The following SNTG2 variants were observed in gnomAD, a reference collection of about 807,000 sequenced individuals.
The protein encoded by SNTG2 is syntrophin gamma 2.
In SNTG2, 74 loss-of-function variants were observed where a neutral mutation model predicts 70.9. The ratio of observed to expected loss-of-function variants is 1.04; its 90% CI spans 0.86 to 1.27. The LOEUF (loss-of-function observed/expected upper bound fraction) is 1.27. SNTG2 is among the 50% of genes most tolerant of loss of function. SNTG2 has a pLI of 0.00. For synonymous variants in SNTG2, 278 were observed against 273.8 expected, an observed-to-expected ratio of 1.02 and a Z score of -0.15; for missense variants, 717 against 690.7, an observed-to-expected ratio of 1.04 and a Z score of -0.43.
intron 9 of SNTG2, among the ~76,000 whole-genome samples, chr2:1,215,219 G>A (rs1314106552): frequency 1.3e-5 from 2 of 152,108 alleles, no homozygotes; most frequent in Admixed American, 1.3e-4. Context: ...TTCTCATCTG[G>A]CTTTGGTATT....
chr2:1,081,351 G>A (rs965787166), intron 1 of SNTG2, among the ~76,000 whole-genome samples: 5 of 152,348 alleles, frequency 3.3e-5, no homozygotes, highest in South Asian at 2.1e-4. Flanking sequence ...AGGGAGCTGC[G>A]GGCACCTACG....
In SNTG2 at chr2:1,286,801, C is replaced by A. The variant is rs138390134; in HGVS notation, c.1284+19230C>A. The stretch of plus-strand genomic sequence containing the variant: ...GCTGTGAGCAGATTGCACAGACACA[C>A]CCAGGATCAACACTTTGCATCCTTC... On this transcript the variant is annotated intron_variant, in intron 14 of 16. Coordinates refer to ENST00000308624, the MANE Select transcript of SNTG2 (RefSeq NM_018968.4). Among the ~76,000 whole-genome samples the A allele has an allele frequency of 7.8e-3, 1,192 of 152,070 alleles. 15 individuals carry two copies. Among genetic ancestry groups the A allele is most frequent in the African/African-American group, 0.027 (1,131 of 41,452 alleles).
At chr2:1,192,944 G>C (rs1379473492) in intron 8 of SNTG2, among the ~76,000 whole-genome samples, 1 of 152,222 alleles carries the variant, frequency 6.6e-6, no homozygotes, top group African/African-American at 2.4e-5. Flanking sequence ...GGGTGGAAGA[G>C]AGCAGTCAGA....
intron 1 of SNTG2, among the ~76,000 whole-genome samples, chr2:970,500 T>C (rs1195581211): frequency 6.9e-6 from 1 of 144,680 alleles, no homozygotes; most frequent in Non-Finnish European, 1.5e-5. Flanking sequence ...TTCCCACCTA[T>C]GAGTGAGAAT....
At chr2:1,251,409 G>C (rs116401368) in intron 12 of SNTG2, among the ~76,000 whole-genome samples, 1,790 of 151,410 alleles carry the variant, frequency 0.012, 40 homozygotes, top group African/African-American at 0.041. Flanking sequence ...AGCTCACATA[G>C]ACCCACACAC....
At chr2:1,341,568 A>G (rs1660089457) in intron 16 of SNTG2, 1 of 152,244 alleles carries the variant, frequency 6.6e-6, no homozygotes, top group Admixed American at 6.5e-5. Flanking sequence ...GGCTGCCTCC[A>G]GTCTCTTCTC....
intron 1 of SNTG2, among the ~76,000 whole-genome samples, chr2:1,071,402 C>T (rs1041666894): frequency 6.8e-6 from 1 of 147,480 alleles, no homozygotes; most frequent in Non-Finnish European, 1.5e-5. Flanking sequence ...ATCGCAAGAA[C>T]AAAAAACCAA....
At chr2:1,084,661 C>G (rs1380682734) in intron 2 of SNTG2, among the ~76,000 whole-genome samples, 2 of 152,220 alleles carry the variant, frequency 1.3e-5, no homozygotes, top group Non-Finnish European at 2.9e-5. Flanking sequence ...AATCCCCAAG[C>G]TGGGTAATTT....
chr2:1,153,713 G>A lies in SNTG2; in HGVS notation c.412-11835G>A, dbSNP rs563417901. On this transcript the variant is annotated intron_variant, in intron 6 of 16. Transcript: ENST00000308624. Reference sequence around the variant, plus strand: ...ACAAGTGGATAATAACTAATTGCACGGAGCAGTAAAATGCAGGTTATTTAA... The same window carrying A: ...ACAAGTGGATAATAACTAATTGCACAGAGCAGTAAAATGCAGGTTATTTAA... Among the ~76,000 whole-genome samples, 10 of 152,280 alleles carry A rather than the reference G, an allele frequency of 6.6e-5. No individual in the cohort carries two copies. The South Asian group carries it at 8.3e-4, about 13-fold the overall frequency.
At chr2:1,025,717 C>A (rs1259025162) in intron 1 of SNTG2, among the ~76,000 whole-genome samples, 1 of 152,172 alleles carries the variant, frequency 6.6e-6, no homozygotes, top group African/African-American at 2.4e-5. Context: ...ATGGAGGCCC[C>A]TGTGATGACA....
At chr2:1,333,404 C>G (rs1227630747) in intron 16 of SNTG2, among the ~76,000 whole-genome samples, 1 of 151,950 alleles carries the variant, frequency 6.6e-6, no homozygotes, top group African/African-American at 2.4e-5. Flanking sequence ...CAGTCCCCAT[C>G]AAAATATCAT....
At chr2:1,247,636 C>T (rs982559917) in intron 12 of SNTG2, among the ~76,000 whole-genome samples, 193 bp downstream of exon 12, 1 of 152,100 alleles carries the variant, frequency 6.6e-6, no homozygotes, top group African/African-American at 2.4e-5. Flanking sequence ...TAAATTAACC[C>T]ATTTCTTTCT....
intron 4 of SNTG2, among the ~76,000 whole-genome samples, chr2:1,100,958 G>GC (rs35510495): frequency 0.38 from 58,309 of 152,018 alleles, 12,633 homozygotes; most frequent in Non-Finnish European, 0.49. Context: ...TAGCCCGTGT[G>GC]CCCTCCCGAG....
At chr2:1,277,005 T>A (rs1370317081) in intron 14 of SNTG2, among the ~76,000 whole-genome samples, 2 of 152,210 alleles carry the variant, frequency 1.3e-5, no homozygotes, top group African/African-American at 4.8e-5. Context: ...ATTGCTGCAA[T>A]CTCAGGATAA....
At chr2:1,202,805 A>G (rs28702912) in intron 8 of SNTG2, among the ~76,000 whole-genome samples, 1,573 of 152,282 alleles carry the variant, frequency 0.01, 20 homozygotes, top group African/African-American at 0.035. Context: ...AAAATAAGCA[A>G]TGTTCCCAAG....
At chr2:951,364 G>C (rs1366259347) in intron 1 of SNTG2, among the ~76,000 whole-genome samples, 2 of 152,242 alleles carry the variant, frequency 1.3e-5, no homozygotes, top group African/African-American at 2.4e-5. Context: ...TACTGCGTGG[G>C]AAGTAGTGCT....
intron 8 of SNTG2, among the ~76,000 whole-genome samples, chr2:1,175,359 T>C (rs1319952390): frequency 6.6e-6 from 1 of 152,202 alleles, no homozygotes; most frequent in Non-Finnish European, 1.5e-5. Context: ...ATTTGTGTCA[T>C]CTGTAGGCCT....
At chr2:995,327 A>C (rs1429025423) in intron 1 of SNTG2, among the ~76,000 whole-genome samples, 1 of 151,958 alleles carries the variant, frequency 6.6e-6, no homozygotes, top group African/African-American at 2.4e-5. Context: ...TGATCATATG[A>C]TTTTGTCTTT....
intron 1 of SNTG2, among the ~76,000 whole-genome samples, chr2:1,031,202 C>A (rs1466587657): frequency 6.6e-6 from 1 of 151,874 alleles, no homozygotes; most frequent in Non-Finnish European, 1.5e-5. Context: ...TCTGGAGATC[C>A]TTGGTTTTGT....
Sources: gnomAD v4.1 joint callset for allele counts (sites outside exome capture counted in the v4.1 genomes callset) on GRCh38, gnomAD v4.1.1 for gene constraint, MANE v1.5 for transcripts, NCBI Gene and HGNC (gene_info 2026-07-23, HGNC 2026-07-21) for gene names.